Variants in HIPK2 observed in about 807,000 individuals in gnomAD.
The protein encoded by HIPK2 is homeodomain interacting protein kinase 2.
HIPK2 carries 27 observed loss-of-function variants against 113.7 expected under a neutral mutation model. The observed-to-expected ratio is 0.24, with a 90% confidence interval of 0.17 to 0.33. The LOEUF is 0.33. HIPK2 is among the 10% of genes least tolerant of loss of function. The pLI, the probability that HIPK2 is intolerant of heterozygous loss-of-function variation, is 1.00. For missense variants in HIPK2, 1,257 were observed against 1,588.0 expected (o/e 0.79, Z 3.54); for synonymous variants, 631 against 642.2 (o/e 0.98, Z 0.26).
rs192322643 is a variant in HIPK2, at chr7:139,621,628, G to T, written c.1620-1065C>A. On this transcript the variant is annotated intron_variant, in intron 6 of 14. Transcript: ENST00000406875. ...CTTTTCCTCAAATGCTAATATTCAA[G>T]ATAATAAAATCCCTTTTAGTCTGGG... is the stretch of plus-strand genomic sequence containing the variant. Among the ~76,000 whole-genome samples, 173 of 152,204 alleles carry T rather than the reference G, an allele frequency of 1.1e-3. 1 individual carries two copies. The highest frequency in any genetic ancestry group is 3.7e-3 in the African/African-American group (153 of 41,540).
intron 1 of HIPK2, among the ~76,000 whole-genome samples, chr7:139,773,248 C>G (rs183856257): frequency 6.6e-5 from 10 of 152,200 alleles, no homozygotes; most frequent in African/African-American, 2.2e-4. Flanking sequence ...CAGTGATCAC[C>G]GTGACCCTCA....
intron 4 of HIPK2, 137 bp from the exon 5 acceptor site, chr7:139,629,176 C>T: frequency 1.5e-6 from 1 of 670,484 alleles, no homozygotes; most frequent in South Asian, 1.8e-5. Context: ...CAATGACCTG[C>T]ACACCTGCAA....
chr7:139,594,412 TATG>T (rs889142916), intron 12 of HIPK2, among the ~76,000 whole-genome samples: 11 of 152,232 alleles, frequency 7.2e-5, no homozygotes, highest in African/African-American at 1.4e-4. Context: ...TGTTAAATTT[TATG>T]ATAATTCTGA....
chr7:139,772,679 C>T (rs1796672840), intron 1 of HIPK2, among the ~76,000 whole-genome samples: 2 of 152,082 alleles, frequency 1.3e-5, no homozygotes, highest in South Asian at 4.1e-4. Context: ...CCTCCGCCTC[C>T]TGGGTTCAAG....
chr7:139,707,113 G>A (rs1027701343), intron 2 of HIPK2, among the ~76,000 whole-genome samples: 25 of 152,326 alleles, frequency 1.6e-4, no homozygotes, highest in African/African-American at 5.5e-4. Flanking sequence ...GAGGTGGGAC[G>A]GAGCCCTGAG....
chr7:139,682,309 T>G (rs182788860), intron 2 of HIPK2, among the ~76,000 whole-genome samples: 1 of 152,298 alleles, frequency 6.6e-6, no homozygotes, highest in East Asian at 1.9e-4. Flanking sequence ...AGACCTGGGC[T>G]TGGCACCAGG....
At chr7:139,759,556 A>G (rs1307904636) in intron 1 of HIPK2, among the ~76,000 whole-genome samples, 1 of 152,258 alleles carries the variant, frequency 6.6e-6, no homozygotes, top group Admixed American at 6.5e-5. Flanking sequence ...TTGTGCCATC[A>G]TCACACATCA....
At chr7:139,635,618 C>T (rs558129564) in intron 2 of HIPK2, among the ~76,000 whole-genome samples, 3 of 152,090 alleles carry the variant, frequency 2.0e-5, no homozygotes, top group South Asian at 2.1e-4. Flanking sequence ...TGATACGTGC[C>T]GCAGAATGTT....
At chr7:139,587,515 C>CAAAAAAAAAAAAAAAAAAAAAAAAAAAA in intron 12 of HIPK2, among the ~76,000 whole-genome samples, 1 of 126,894 alleles carries the variant, frequency 7.9e-6, no homozygotes. Context: ...AAAAAAAAAG[C>CAAAAAAAAAAAAAAAAAAAAAAAAAAAA]AAAAGAGATT....
chr7:139,581,338 G>C (rs1210337141), intron 13 of HIPK2, among the ~76,000 whole-genome samples: 2 of 152,256 alleles, frequency 1.3e-5, no homozygotes, highest in East Asian at 3.8e-4. Context: ...GGCAGCTTCA[G>C]AGAGCAGGCA....
intron 2 of HIPK2, among the ~76,000 whole-genome samples, chr7:139,688,094 AAC>A (rs141391980): frequency 6.6e-6 from 1 of 150,852 alleles, no homozygotes; most frequent in Non-Finnish European, 1.5e-5. Context: ...CCACTGGGCC[AAC>A]ACACACACAC....
At chr7:139,673,948 G>A (rs1001935867) in intron 2 of HIPK2, among the ~76,000 whole-genome samples, 1 of 146,342 alleles carries the variant, frequency 6.8e-6, no homozygotes, top group Non-Finnish European at 1.5e-5. Context: ...GACTACGCCT[G>A]TAGTCCCAGC....
intron 1 of HIPK2, among the ~76,000 whole-genome samples, chr7:139,761,249 A>G (rs1796458888): frequency 6.6e-6 from 1 of 152,192 alleles, no homozygotes; most frequent in Non-Finnish European, 1.5e-5. Flanking sequence ...ATTTCCCAAA[A>G]CCCAAGGAAG....
rs73485518 is a variant in HIPK2, at chr7:139,569,052, C to T, written c.*3875G>A. 11,894 of 152,582 alleles carry T rather than the reference C, an allele frequency of 0.078. 554 individuals are homozygous for T. Among genetic ancestry groups the T allele is most frequent in the African/African-American group, 0.13 (5,339 of 41,500 alleles). The allele number at this position is 152,582 out of a possible 1,614,324, so 9.5% of individuals were successfully genotyped here. A position where few individuals can be genotyped will look rare whatever the true frequency, so the allele number is the denominator to read the frequency against. On this transcript the variant is annotated 3_prime_UTR_variant, in exon 15 of 15. Transcript: ENST00000406875. ...CAGCACAGTGCACTGAAGATGTGGCCGGAGCCCAGTGGGGATGCTTTCAGA... is the reference window on the plus strand; with the variant it reads ...CAGCACAGTGCACTGAAGATGTGGCTGGAGCCCAGTGGGGATGCTTTCAGA...
At chr7:139,576,469 G>T (rs1798495225) in intron 13 of HIPK2, among the ~76,000 whole-genome samples, 1 of 152,196 alleles carries the variant, frequency 6.6e-6, no homozygotes, top group Admixed American at 6.5e-5. Context: ...GTAGCCAGGG[G>T]CTCTGAGAGA....
chr7:139,587,078 T>C (rs553038586), intron 12 of HIPK2, among the ~76,000 whole-genome samples: 1 of 152,102 alleles, frequency 6.6e-6, no homozygotes, highest in African/African-American at 2.4e-5. Flanking sequence ...TTAAAAATGG[T>C]TGAAATGGCA....
chr7:139,636,060 G>A (rs187200958), intron 2 of HIPK2, among the ~76,000 whole-genome samples: 3 of 152,254 alleles, frequency 2.0e-5, no homozygotes, highest in East Asian at 1.9e-4. Context: ...GACACTCTGC[G>A]TCACTGACGC....
intron 1 of HIPK2, among the ~76,000 whole-genome samples, chr7:139,721,663 G>T (rs922564966): frequency 1.3e-5 from 2 of 152,186 alleles, no homozygotes; most frequent in Non-Finnish European, 2.9e-5. Context: ...TGATCCAATG[G>T]CAAAATCTCA....
In HIPK2 at chr7:139,648,227, C is replaced by A. The variant is rs147595344; in HGVS notation, c.1104-16502G>T. On this transcript the variant is annotated intron_variant, in intron 2 of 14. Transcript: ENST00000406875. ...AACCCCACATACCCCAAAGTTTCAA[C>A]CTGAGATTCAATTTTGAATTGAAGG... Among the ~76,000 whole-genome samples the A allele has an allele frequency of 2.0e-5, 3 of 152,336 alleles. No homozygotes were observed. The East Asian group carries it at 5.8e-4, about 29-fold the overall frequency.
Sources: gnomAD v4.1 joint callset for allele counts (sites outside exome capture counted in the v4.1 genomes callset) on GRCh38, gnomAD v4.1.1 for gene constraint, MANE v1.5 for transcripts, NCBI Gene and HGNC (gene_info 2026-07-23, HGNC 2026-07-21) for gene names.